HS6ST3: variants seen among roughly 807,000 people sequenced by gnomAD.
The protein encoded by HS6ST3 is heparan sulfate 6-O-sulfotransferase 3.
Under a neutral mutation model 36.7 loss-of-function variants are expected in HS6ST3, and 12 were observed. The ratio of observed to expected loss-of-function variants is 0.33; its 90% CI spans 0.21 to 0.53. HS6ST3 has a LOEUF of 0.53. Ranked by LOEUF, HS6ST3 falls within the 20% of genes least tolerant of loss-of-function variation. HS6ST3 has a pLI of 0.95. For missense variants in HS6ST3, 584 were observed against 640.9 expected, an observed-to-expected ratio of 0.91 and a Z score of 0.96; for synonymous variants, 240 against 257.5, an observed-to-expected ratio of 0.93 and a Z score of 0.65.
intron 1 of HS6ST3, among the ~76,000 whole-genome samples, chr13:96,416,933 G>A (rs962468180): frequency 4.9e-4 from 75 of 151,782 alleles, no homozygotes; most frequent in African/African-American, 1.7e-3. Flanking sequence ...TTTGTATTTT[G>A]TTGAGACAGG....
rs12871981 is a variant in HS6ST3 at position 96,181,313 on chromosome 13, A to G, written c.707+89744A>G. On this transcript the variant is annotated intron_variant, in intron 1 of 1. Coordinates refer to ENST00000376705, the MANE Select transcript of HS6ST3 (RefSeq NM_153456.4). ...GGCACATTTCCTCAAAAAAGGAGCA[A>G]TGGGTCTTCAAATGTATACACATTG... 6.4e-3 allele frequency among the ~76,000 whole-genome samples: 973 copies of G among 152,332 alleles called. 4 individuals carry two copies. Among genetic ancestry groups the G allele is most frequent in the Middle Eastern group, 0.01 (3 of 294 alleles).
At position 96,090,883 on chromosome 13, in the gene HS6ST3, G is replaced by A. The variant is rs1443753027; in HGVS notation, c.21G>A (p.Lys7=). MDERFN[K]WLLTPVLTLL... Reference sequence around the variant, plus strand: ...GGACCATGGATGAAAGGTTCAACAAGTGGCTGCTGACGCCGGTGCTCACTC... The same window carrying A: ...GGACCATGGATGAAAGGTTCAACAAATGGCTGCTGACGCCGGTGCTCACTC... Residue 7 remains lysine (K), a synonymous_variant, in exon 1 of 2, where the codon AAG becomes AAA. Transcript: ENST00000376705. 5.3e-6 allele frequency: 8 copies of A among 1,511,402 alleles called. No homozygotes were observed. Among genetic ancestry groups the A allele is most frequent in the Non-Finnish European group, 7.1e-6 (8 of 1,124,606 alleles). The allele number at this position is 1,511,402 out of a possible 1,614,324, so 93.6% of individuals were successfully genotyped here.
At chr13:96,749,974 G>A (rs1342418525) in intron 1 of HS6ST3, among the ~76,000 whole-genome samples, 2 of 151,820 alleles carry the variant, frequency 1.3e-5, no homozygotes, top group Non-Finnish European at 2.9e-5. Context: ...TAAAATTCTT[G>A]GCTGTCAGTG....
chr13:96,136,032 G>A (rs1357906607), intron 1 of HS6ST3, among the ~76,000 whole-genome samples: 1 of 152,032 alleles, frequency 6.6e-6, no homozygotes, highest in Non-Finnish European at 1.5e-5. Context: ...GCCACACTTG[G>A]AACTCCCAAC....
At chr13:96,435,915 C>A (rs2055639378) in intron 1 of HS6ST3, among the ~76,000 whole-genome samples, 1 of 152,108 alleles carries the variant, frequency 6.6e-6, no homozygotes, top group African/African-American at 2.4e-5. Context: ...AGTAACATTG[C>A]TTTTCTGAAG....
At chr13:96,550,535 C>A (rs957032258) in intron 1 of HS6ST3, among the ~76,000 whole-genome samples, 1 of 152,162 alleles carries the variant, frequency 6.6e-6, no homozygotes, top group African/African-American at 2.4e-5. Flanking sequence ...TGTGAACCTT[C>A]AAGCCTAATG....
intron 1 of HS6ST3, among the ~76,000 whole-genome samples, chr13:96,475,015 A>C (rs1350162166): frequency 6.6e-6 from 1 of 152,132 alleles, no homozygotes; most frequent in Admixed American, 6.5e-5. Context: ...GGATTTCCTT[A>C]GGAGAAAATG....
At chr13:96,250,868 A>G (rs913798570) in intron 1 of HS6ST3, among the ~76,000 whole-genome samples, 1 of 152,152 alleles carries the variant, frequency 6.6e-6, no homozygotes, top group East Asian at 1.9e-4. Flanking sequence ...CCTTCATTCC[A>G]TTATTGTGGT....
At chr13:96,182,006 G>A (rs756625229) in intron 1 of HS6ST3, among the ~76,000 whole-genome samples, 13 of 152,016 alleles carry the variant, frequency 8.6e-5, no homozygotes, top group Non-Finnish European at 1.3e-4. Flanking sequence ...TATCTGCTCC[G>A]TAAGTTAGAA....
chr13:96,387,234 G>A (rs1475082853), intron 1 of HS6ST3, among the ~76,000 whole-genome samples: 1 of 152,104 alleles, frequency 6.6e-6, no homozygotes, highest in Non-Finnish European at 1.5e-5. Context: ...TCCTTATTAT[G>A]TTTGTCTAAG....
At chr13:96,194,426 C>A (rs1281374932) in intron 1 of HS6ST3, among the ~76,000 whole-genome samples, 1 of 151,852 alleles carries the variant, frequency 6.6e-6, no homozygotes, top group Non-Finnish European at 1.5e-5. Flanking sequence ...TCTTGGTACC[C>A]AGAAAATTCA....
At chr13:96,392,513 G>A (rs111455344) in intron 1 of HS6ST3, among the ~76,000 whole-genome samples, 7 of 152,240 alleles carry the variant, frequency 4.6e-5, no homozygotes, top group African/African-American at 9.6e-5. Context: ...GACCCAGAGC[G>A]TTGGTTTGAA....
chr13:96,215,804 T>C (rs2054423031), intron 1 of HS6ST3, among the ~76,000 whole-genome samples: 1 of 152,206 alleles, frequency 6.6e-6, no homozygotes, highest in African/African-American at 2.4e-5. Context: ...TTCCTGGCTT[T>C]GTATAGTTGG....
intron 1 of HS6ST3, among the ~76,000 whole-genome samples, chr13:96,261,124 T>G (rs1234787568): frequency 6.6e-6 from 1 of 152,114 alleles, no homozygotes; most frequent in Non-Finnish European, 1.5e-5. Flanking sequence ...AAAAAATGTC[T>G]TTGAATTGTA....
chr13:96,355,621 A>T (rs2139433199), intron 1 of HS6ST3, among the ~76,000 whole-genome samples: 1 of 152,318 alleles, frequency 6.6e-6, no homozygotes, highest in East Asian at 1.9e-4. Flanking sequence ...TTTTAATGCT[A>T]AAAAATGATA....
chr13:96,245,454 G>A (rs9562056), intron 1 of HS6ST3, among the ~76,000 whole-genome samples: 7,715 of 152,036 alleles, frequency 0.051, 278 homozygotes, highest in East Asian at 0.15. Flanking sequence ...GAGTTTCCTC[G>A]GCCCATTCAT....
At chr13:96,222,773 T>C (rs2054462178) in intron 1 of HS6ST3, among the ~76,000 whole-genome samples, 1 of 152,238 alleles carries the variant, frequency 6.6e-6, no homozygotes, top group Non-Finnish European at 1.5e-5. Flanking sequence ...CTATGCCATT[T>C]TTTAGATTTC....
At position 96,670,494 on chromosome 13, in the gene HS6ST3, C is replaced by T. The variant is rs80013192; in HGVS notation, c.708-161996C>T. Reference sequence around the variant, plus strand: ...ATCTTATAGCAAGAATGTATACTAGCGGGAATAATTCAATAGAAAGGAGAA... The same window carrying T: ...ATCTTATAGCAAGAATGTATACTAGTGGGAATAATTCAATAGAAAGGAGAA... On this transcript the variant is annotated intron_variant, in intron 1 of 1. Transcript: ENST00000376705. 6.7e-3 allele frequency among the ~76,000 whole-genome samples: 1,022 copies of T among 151,732 alleles called. 10 individuals carry two copies. The highest frequency in any genetic ancestry group is 0.024 in the African/African-American group (983 of 41,346).
intron 1 of HS6ST3, among the ~76,000 whole-genome samples, chr13:96,099,954 G>T (rs74106321): frequency 6.6e-6 from 1 of 152,148 alleles, no homozygotes; most frequent in South Asian, 2.1e-4. Flanking sequence ...AACTTAATGC[G>T]TGTCTGTAAA....
Sources: gnomAD v4.1 joint callset for allele counts (sites outside exome capture counted in the v4.1 genomes callset) on GRCh38, gnomAD v4.1.1 for gene constraint, MANE v1.5 for transcripts, NCBI Gene and HGNC (gene_info 2026-07-23, HGNC 2026-07-21) for gene names.